The following MLIP variants were observed in gnomAD, a reference collection of about 807,000 sequenced individuals.
MLIP encodes muscular LMNA interacting protein.
MLIP carries 79 observed loss-of-function variants against 84.8 expected under a neutral mutation model. That is an observed-to-expected ratio of 0.93 (90% CI 0.78 to 1.12). The LOEUF is 1.12. MLIP is among the 50% of genes most tolerant of loss of function. The pLI is 0.00. For missense variants in MLIP, 1,257 were observed against 1,160.6 expected, an observed-to-expected ratio of 1.08 and a Z score of -1.21; for synonymous variants, 504 against 463.0, an observed-to-expected ratio of 1.09 and a Z score of -1.14.
chr6:54,027,404 C>T (rs1763878619), intron 1 of MLIP, among the ~76,000 whole-genome samples: 1 of 130,914 alleles, frequency 7.6e-6, no homozygotes, highest in East Asian at 2.0e-4. Flanking sequence ...CACACACACA[C>T]ACACACACAC....
At chr6:54,072,837 ATTC>A (rs1766568521) in intron 1 of MLIP, among the ~76,000 whole-genome samples, 1 of 152,190 alleles carries the variant, frequency 6.6e-6, no homozygotes, top group South Asian at 2.1e-4. Flanking sequence ...TTCAAATTTC[ATTC>A]TTCCCTGCTT....
At chr6:54,132,261 T>C (rs1205614336) in intron 3 of MLIP, among the ~76,000 whole-genome samples, 1 of 152,192 alleles carries the variant, frequency 6.6e-6, no homozygotes, top group Non-Finnish European at 1.5e-5. Context: ...ATCATGTTTT[T>C]AAAAGATTGA....
At chr6:54,036,963 G>A (rs1764481261) in intron 1 of MLIP, among the ~76,000 whole-genome samples, 1 of 151,968 alleles carries the variant, frequency 6.6e-6, no homozygotes, top group Non-Finnish European at 1.5e-5. Flanking sequence ...ATACCTTCTT[G>A]GGAACTTGTG....
intron 11 of MLIP, chr6:54,215,269 A>G: frequency 6.7e-7 from 1 of 1,490,580 alleles, no homozygotes; most frequent in Non-Finnish European, 8.8e-7. Flanking sequence ...CCTGAAAAAG[A>G]GAAAAAGACG....
At chr6:54,075,207 A>G (rs915649223) in intron 1 of MLIP, among the ~76,000 whole-genome samples, 1 of 138,362 alleles carries the variant, frequency 7.2e-6, no homozygotes, top group African/African-American at 2.6e-5. Context: ...AGATCAGGCC[A>G]TTGCACTCCA....
chr6:54,248,399 T>A (rs1782233202), intron 12 of MLIP, among the ~76,000 whole-genome samples: 1 of 152,144 alleles, frequency 6.6e-6, no homozygotes, highest in African/African-American at 2.4e-5. Flanking sequence ...AGAACTGAAA[T>A]GGTGTTAGAA....
At chr6:54,056,462 T>C (rs1765666146) in intron 1 of MLIP, among the ~76,000 whole-genome samples, 1 of 152,218 alleles carries the variant, frequency 6.6e-6, no homozygotes, top group South Asian at 2.1e-4. Context: ...TTCTGCTCCC[T>C]GTACCTGTGA....
chr6:54,210,137 T>TCACCTCACCG (rs1554185042), intron 11 of MLIP, among the ~76,000 whole-genome samples: 26 of 151,848 alleles, frequency 1.7e-4, no homozygotes, highest in South Asian at 1.0e-3. Context: ...CCACCTCACC[T>TCACCTCACCG]CACCGCACCG....
At chr6:54,206,321 A>G (rs1230986901) in intron 11 of MLIP, among the ~76,000 whole-genome samples, 1 of 152,156 alleles carries the variant, frequency 6.6e-6, no homozygotes, top group Non-Finnish European at 1.5e-5. Flanking sequence ...ATATATTGAT[A>G]CTTTCTTAAA....
intron 1 of MLIP, chr6:54,083,603 G>A: frequency 6.5e-7 from 1 of 1,535,992 alleles, no homozygotes; most frequent in Non-Finnish European, 8.7e-7. Context: ...TGGTACCTTG[G>A]ATTTGAATGT....
chr6:54,139,586 G>A (rs985813718), intron 4 of MLIP, among the ~76,000 whole-genome samples: 2 of 152,136 alleles, frequency 1.3e-5, no homozygotes, highest in South Asian at 2.1e-4. Flanking sequence ...AACTATGCTA[G>A]TATACAAAAT....
intron 1 of MLIP, among the ~76,000 whole-genome samples, chr6:54,067,553 C>G (rs1199760753): frequency 9.9e-6 from 1 of 101,404 alleles, no homozygotes; most frequent in African/African-American, 2.5e-5. Flanking sequence ...AGAATTATCA[C>G]CTTATTCTAA....
intron 8 of MLIP, among the ~76,000 whole-genome samples, chr6:54,167,931 G>A (rs750312586): frequency 2.6e-5 from 4 of 151,714 alleles, no homozygotes; most frequent in Non-Finnish European, 5.9e-5. Flanking sequence ...AAAAGTTTGG[G>A]TTAGCTTCTC....
intron 10 of MLIP, among the ~76,000 whole-genome samples, chr6:54,198,602 T>A (rs1778456698): frequency 6.6e-6 from 1 of 152,158 alleles, no homozygotes; most frequent in South Asian, 2.1e-4. Flanking sequence ...AGTAATAAAG[T>A]GTGTCATTAC....
intron 8 of MLIP, among the ~76,000 whole-genome samples, 172 bp downstream of exon 8, chr6:54,160,971 G>A (rs1275392649): frequency 6.6e-6 from 1 of 152,054 alleles, no homozygotes; most frequent in Non-Finnish European, 1.5e-5. Flanking sequence ...TTCAAGTAAT[G>A]TATAGGTTTT....
intron 12 of MLIP, among the ~76,000 whole-genome samples, chr6:54,247,961 T>C (rs1257425628): frequency 2.6e-5 from 4 of 152,090 alleles, no homozygotes; most frequent in Admixed American, 6.6e-5. Context: ...TTGACATCTG[T>C]TGATATTACA....
intron 1 of MLIP, among the ~76,000 whole-genome samples, chr6:54,099,838 TA>T: frequency 6.6e-6 from 1 of 152,204 alleles, no homozygotes; most frequent in African/African-American, 2.4e-5. Flanking sequence ...AACAAAATCA[TA>T]ACTGAGAATA....
chr6:54,224,617 A>C (rs1157487246), intron 11 of MLIP, among the ~76,000 whole-genome samples: 1 of 152,016 alleles, frequency 6.6e-6, no homozygotes, highest in African/African-American at 2.4e-5. Context: ...ATTGGGGTAT[A>C]GGTGGTATTT....
chr6:54,124,772 T>G lies in MLIP; in HGVS notation c.552T>G (p.Asp184Glu). The G allele has an allele frequency of 6.2e-7, 1 of 1,614,190 alleles. No homozygotes were observed. Among genetic ancestry groups the G allele is most frequent in the Non-Finnish European group, 8.5e-7 (1 of 1,180,032 alleles). ...SLAISSSLVSDVVRPKTQGTD... is the reference protein window; with the variant it reads ...SLAISSSLVSEVVRPKTQGTD... ...CTATCTCGTCCAGTCTGGTCTCTGA[T>G]GTAGTGCGTCCCAAAACACAGGGGA... Residue 184 changes from aspartate (D) to glutamate (E), a missense_variant, in exon 3 of 14, where the codon GAT (aspartate) becomes GAG (glutamate). Coordinates refer to ENST00000502396, the MANE Select transcript of MLIP (RefSeq NM_001281747.2).
Sources: allele counts gnomAD v4.1 joint callset (sites outside exome capture counted in the v4.1 genomes callset), GRCh38; gene constraint gnomAD v4.1.1; transcripts MANE v1.5; gene names NCBI Gene and HGNC (gene_info 2026-07-23, HGNC 2026-07-21).